Variants in FASTKD2 observed in about 807,000 individuals in gnomAD.
FASTKD2 encodes the protein FAST kinase domains 2, also known as FAST kinase domain-containing protein 2, mitochondrial.
FASTKD2 carries 51 observed loss-of-function variants against 63.6 expected under a neutral mutation model. The ratio of observed to expected loss-of-function variants is 0.80; its 90% CI spans 0.64 to 1.01. FASTKD2 has a LOEUF of 1.01. Ranked by LOEUF, FASTKD2 falls within the 50% of genes least tolerant of loss-of-function variation. The probability of loss-of-function intolerance (pLI) is 0.00; values close to 1 mark genes in which losing one functional copy is unlikely to be tolerated. For synonymous variants in FASTKD2, 284 were observed against 293.4 expected, an observed-to-expected ratio of 0.97 and a Z score of 0.33; for missense variants, 786 against 831.1, an observed-to-expected ratio of 0.95 and a Z score of 0.67.
chr2:206,786,921 GGTCACCAATT>G (rs746045214), intron 8 of FASTKD2, 22 bp downstream of exon 8: 8 of 1,558,832 alleles, frequency 5.1e-6, no homozygotes, highest in Non-Finnish European at 7.0e-6. Context: ...GTGCAGAATT[GGTCACCAATT>G]GTGACCAATT....
chr2:206,779,076 C>T (rs546557098), intron 7 of FASTKD2, among the ~76,000 whole-genome samples: 250 of 152,240 alleles, frequency 1.6e-3, no homozygotes, highest in Middle Eastern at 3.4e-3. Context: ...TCATCTGTTT[C>T]TCCCTTCAGA....
chr2:206,775,579 TG>T (rs1469284986), intron 7 of FASTKD2, among the ~76,000 whole-genome samples: 3 of 119,310 alleles, frequency 2.5e-5, no homozygotes, highest in African/African-American at 1.3e-4. Context: ...GTTTGTTTTT[TG>T]TTTTTTTTGA....
In FASTKD2 at chr2:206,795,811, G is replaced by A. The variant is rs75079512; in HGVS notation, c.*4009G>A. Among the ~76,000 whole-genome samples, 5,340 of 152,270 alleles carry A rather than the reference G, an allele frequency of 0.035. 129 individuals are homozygous for A. The highest frequency in any genetic ancestry group is 0.057 in the East Asian group (295 of 5,172). ...ACCCCAGGGTGTGGTGTGGCAGGAC[G>A]AGGAGCATCCATTTTGCTGGTGGGG... On this transcript the variant is annotated 3_prime_UTR_variant, in exon 12 of 12. Coordinates refer to ENST00000402774, the MANE Select transcript of FASTKD2 (RefSeq NM_001136193.2).
At position 206,772,324 on chromosome 2, in the gene FASTKD2, A is replaced by G. The variant is rs1247714934; in HGVS notation, c.1254+4A>G. 3.1e-6 allele frequency: 5 copies of G among 1,613,550 alleles called. No individual in the cohort carries two copies. The highest frequency in any genetic ancestry group is 4.2e-6 in the Non-Finnish European group (5 of 1,179,488). ...CGACATCTGGAAGTTCAGAAAAGTG[A>G]GTACATTAACAATTTAGAATAAGCC... On this transcript the variant is annotated splice_donor_region_variant and intron_variant, in intron 6 of 11. Transcript: ENST00000402774.
At chr2:206,780,178 A>G (rs899755924) in intron 7 of FASTKD2, among the ~76,000 whole-genome samples, 2 of 152,070 alleles carry the variant, frequency 1.3e-5, no homozygotes, top group African/African-American at 4.8e-5. Context: ...CATATCCTAT[A>G]TTTGTTTATG....
chr2:206,767,838 A>G (rs183304664), intron 2 of FASTKD2, among the ~76,000 whole-genome samples: 3 of 152,356 alleles, frequency 2.0e-5, no homozygotes, highest in Admixed American at 2.0e-4. Flanking sequence ...GGCCCAGTAG[A>G]TGATACCTAA....
At position 206,788,811 on chromosome 2, in the gene FASTKD2, C is replaced by G. The variant is rs373680208; in HGVS notation, c.1814-8C>G. 7.2e-7 allele frequency: 1 copy of G among 1,394,530 alleles called. No individual in the cohort carries two copies. Among genetic ancestry groups the G allele is most frequent in the Admixed American group, 1.7e-5 (1 of 59,620 alleles). The allele number at this position is 1,394,530 out of a possible 1,614,324, so 86.4% of individuals were successfully genotyped here. A position where few individuals can be genotyped will look rare whatever the true frequency, so the allele number is the denominator to read the frequency against. On this transcript the variant is annotated splice_polypyrimidine_tract_variant and splice_region_variant and intron_variant, in intron 9 of 11. Coordinates refer to ENST00000402774, the MANE Select transcript of FASTKD2 (RefSeq NM_001136193.2). ...TTTGAAAAATTAATATCAATTCTTT[C>G]CTTTCAGATTTTGAAATCAGAATGG...
intron 7 of FASTKD2, among the ~76,000 whole-genome samples, chr2:206,785,481 A>T (rs1367021628): frequency 6.6e-6 from 1 of 152,154 alleles, no homozygotes; most frequent in Admixed American, 6.5e-5. Flanking sequence ...GGCCCTCTAT[A>T]TGCAAGACCT....
At chr2:206,772,448 C>A in intron 6 of FASTKD2, 128 bp downstream of exon 6, 2 of 993,784 alleles carry the variant, frequency 2.0e-6, no homozygotes, top group Non-Finnish European at 3.1e-6. Flanking sequence ...GCTGAATTGA[C>A]TTTTGAAAAA....
intron 7 of FASTKD2, among the ~76,000 whole-genome samples, chr2:206,775,759 C>G (rs1689808239): frequency 6.6e-6 from 1 of 151,828 alleles, no homozygotes; most frequent in Non-Finnish European, 1.5e-5. Context: ...CTGGGCTTTT[C>G]TTTACTAGGT....
chr2:206,784,093 AT>A (rs1285814267), intron 7 of FASTKD2, among the ~76,000 whole-genome samples: 1 of 152,268 alleles, frequency 6.6e-6, no homozygotes, highest in Admixed American at 6.5e-5. Flanking sequence ...AATATGGCAG[AT>A]ATAGCAAGAT....
chr2:206,778,598 T>C (rs1689883150), intron 7 of FASTKD2, among the ~76,000 whole-genome samples: 1 of 152,098 alleles, frequency 6.6e-6, no homozygotes, highest in Admixed American at 6.5e-5. Context: ...TATGTGCACT[T>C]GAGGAAAATA....
rs1026240505 is a variant in FASTKD2, at chr2:206,795,166, G to T, written c.*3364G>T. On this transcript the variant is annotated 3_prime_UTR_variant, in exon 12 of 12. Transcript: ENST00000402774. ...ACTCCACCCTGTTTTGCGCTGACTT[G>T]TAGGGAGACCTAGGTGTGGAGCTTC... Among the ~76,000 whole-genome samples, 57 of 152,222 alleles carry T rather than the reference G, an allele frequency of 3.7e-4. 1 individual carries two copies. The highest frequency in any genetic ancestry group is 1.3e-3 in the African/African-American group (52 of 41,452).
chr2:206,770,244 T>A, intron 3 of FASTKD2, 50 bp downstream of exon 3: 1 of 1,167,724 alleles, frequency 8.6e-7, no homozygotes, highest in Non-Finnish European at 1.3e-6. Context: ...GTTCCTCATA[T>A]ATCTGGAATA....
rs756107959 is a variant in FASTKD2 at position 206,767,427 on chromosome 2, C to T, written c.734C>T (p.Pro245Leu). The change falls in exon 2 of 12, where the codon CCT becomes CTT. Residue 245 changes from proline (P) to leucine (L), a missense_variant. Pro to Leu is a moderately conservative substitution (Grantham distance 98). Transcript: ENST00000402774. ...CACGCCATAGTGAAGCTTGGAATCC[C>T]TCAGAACACTATTTTGGTGCAGACT... is the stretch of plus-strand genomic sequence containing the variant. ...SLHAIVKLGI[P>L]QNTILVQTLL... 4.3e-6 allele frequency: 7 copies of T among 1,612,854 alleles called. No homozygotes were observed. The Admixed American group carries it at 5.0e-5, about 12-fold the overall frequency.
At chr2:206,768,803 G>C (rs1378291297) in intron 2 of FASTKD2, among the ~76,000 whole-genome samples, 1 of 152,210 alleles carries the variant, frequency 6.6e-6, no homozygotes, top group African/African-American at 2.4e-5. Context: ...ATAGCTATGG[G>C]AAAGTTTTTA....
intron 8 of FASTKD2, 35 bp downstream of exon 8, chr2:206,786,934 GACCAATTCTGCACTACC>G: frequency 1.0e-6 from 1 of 995,126 alleles, no homozygotes; most frequent in Non-Finnish European, 1.5e-6. Context: ...CACCAATTGT[GACCAATTCTGCACTACC>G]ACTAGCTACC....
At position 206,793,234 on chromosome 2, in the gene FASTKD2, AAAAAAAAAAAAAAAAAAT is replaced by A. The variant is rs1559368707; in HGVS notation, c.*1434_*1451del. ...AGACTCTGTCTCAAAAAAAAAAAAA[AAAAAAAAAAAAAAAAAAT>A]ACAAAAACTATAGCAATATGACAAC... is the stretch of plus-strand genomic sequence containing the variant. On this transcript the variant is annotated 3_prime_UTR_variant, in exon 12 of 12. Coordinates refer to ENST00000402774, the MANE Select transcript of FASTKD2 (RefSeq NM_001136193.2). 6.8e-6 allele frequency among the ~76,000 whole-genome samples: 1 copy of A among 146,814 alleles called. No individual in the cohort carries two copies. The highest frequency in any genetic ancestry group is 2.6e-5 in the African/African-American group (1 of 38,916).
Position 206,766,651 on chromosome 2 carries a change from A to G in FASTKD2, c.-43A>G. Reference sequence around the variant, plus strand: ...TTACTTCTTCCCCTACAGGAAAACGACAGCACGTGTTCTTTTTCACTAGTA... The same window carrying G: ...TTACTTCTTCCCCTACAGGAAAACGGCAGCACGTGTTCTTTTTCACTAGTA... On this transcript the variant is annotated 5_prime_UTR_variant, in exon 2 of 12. Transcript: ENST00000402774. The G allele has an allele frequency of 6.5e-7, 1 of 1,544,298 alleles. No individual in the cohort carries two copies. The highest frequency in any genetic ancestry group is 9.0e-7 in the Non-Finnish European group (1 of 1,116,690).
Sources: gnomAD v4.1 joint callset for allele counts (sites outside exome capture counted in the v4.1 genomes callset) on GRCh38, gnomAD v4.1.1 for gene constraint, MANE v1.5 for transcripts, NCBI Gene and HGNC (gene_info 2026-07-23, HGNC 2026-07-21) for gene names.